The following EME1 variants were observed in gnomAD, a reference collection of about 807,000 sequenced individuals.
EME1 encodes the protein essential meiotic structure-specific endonuclease 1.
In EME1, 61 loss-of-function variants were observed where a neutral mutation model predicts 59.1. That is an observed-to-expected ratio of 1.03 (90% CI 0.84 to 1.28). The LOEUF is 1.28. Ranked by LOEUF, EME1 falls within the 50% of genes most tolerant of loss-of-function variation. EME1 has a pLI of 0.00. For synonymous variants in EME1, 230 were observed against 254.2 expected (o/e 0.90, Z 0.90); for missense variants, 635 against 682.6 (o/e 0.93, Z 0.78).
In EME1 at chr17:50,381,451, A is replaced by G. The variant is rs1913841549; in HGVS notation, c.*512A>G. On this transcript the variant is annotated 3_prime_UTR_variant, in exon 9 of 9. Coordinates refer to ENST00000338165, the MANE Select transcript of EME1 (RefSeq NM_152463.4). ...TATTTAGTTTCAATAAAGCATTTGT[A>G]CCAATGGCTCTGGAGCTTGGAGGAA... 1 of 159,160 alleles carries G rather than the reference A, an allele frequency of 6.3e-6. No individual in the cohort carries two copies. Among genetic ancestry groups the G allele is most frequent in the Admixed American group, 5.9e-5 (1 of 16,852 alleles). The allele number at this position is 159,160 out of a possible 1,614,324, so 9.9% of individuals were successfully genotyped here. A position where few individuals can be genotyped will look rare whatever the true frequency, so the allele number is the denominator to read the frequency against.
At position 50,378,864 on chromosome 17, in the gene EME1, C is replaced by T. The variant is rs1187723696; in HGVS notation, c.1081C>T (p.Leu361=). ...TAKTAGKALS[L]VIVDQEKCFS... ...AAAGACAGCAGGGAAAGCTCTGTCA[C>T]TGGTGATTGTGGATCAGGAGAAATG... is the stretch of plus-strand genomic sequence containing the variant. The change falls in exon 5 of 9, where the codon CTG becomes TTG. Residue 361 remains leucine (L), a synonymous_variant. Coordinates refer to ENST00000338165, the MANE Select transcript of EME1 (RefSeq NM_152463.4). 2 of 1,614,216 alleles carry T rather than the reference C, an allele frequency of 1.2e-6. No homozygotes were observed. The highest frequency in any genetic ancestry group is 2.2e-5 in the East Asian group (1 of 44,894).
At chr17:50,374,917 T>C (rs1598359984) in intron 1 of EME1, 1 of 281,540 alleles carries the variant, frequency 3.6e-6, no homozygotes, top group East Asian at 7.7e-5. Flanking sequence ...AGGTGTTAAA[T>C]CTTGTTACCA....
At chr17:50,377,161 G>A (rs1452836896) in intron 3 of EME1, among the ~76,000 whole-genome samples, 1 of 151,970 alleles carries the variant, frequency 6.6e-6, no homozygotes, top group Non-Finnish European at 1.5e-5. Context: ...CAGTAACACA[G>A]GACAGTTCCC....
In EME1 at chr17:50,376,130, T is replaced by C. The variant is rs1567815556; in HGVS notation, c.840T>C (p.Cys280=). The C allele has an allele frequency of 6.2e-7, 1 of 1,614,108 alleles. No homozygotes were observed. Among genetic ancestry groups the C allele is most frequent in the South Asian group, 1.1e-5 (1 of 91,080 alleles). Residue 280 remains cysteine, a synonymous_variant, in exon 3 of 9, where the codon TGT becomes TGC. Transcript: ENST00000338165. Reference sequence around the variant, plus strand: ...CACTGCAGACCATGGAGTGCCGCTGTGTGATTGAGGCGCAGGCTGTGCCTT... The same window carrying C: ...CACTGCAGACCATGGAGTGCCGCTGCGTGATTGAGGCGCAGGCTGTGCCTT... ...LGALQTMECR[C]VIEAQAVPCS... is the part of the protein sequence containing the mutation.
In EME1 at chr17:50,373,240, C is replaced by T; in HGVS notation, c.-62C>T. On this transcript the variant is annotated 5_prime_UTR_variant, in exon 1 of 9. Transcript: ENST00000338165. ...CTATCAGGAGATCTACTTCCGGGCC[C>T]TGCGTGGCAGTTGAAAGAGTGGCGG... 4 of 1,582,210 alleles carry T rather than the reference C, an allele frequency of 2.5e-6. No homozygotes were observed. Among genetic ancestry groups the T allele is most frequent in the Non-Finnish European group, 3.5e-6 (4 of 1,157,320 alleles).
At position 50,375,306 on chromosome 17, in the gene EME1, C is replaced by A; in HGVS notation, c.98C>A (p.Thr33Lys). ...TTTCTGAAGAAGGAACCATCTTCAACAAAGAGGAGACAGCCTGAAAGGGAA... is the reference window on the plus strand; with the variant it reads ...TTTCTGAAGAAGGAACCATCTTCAAAAAAGAGGAGACAGCCTGAAAGGGAA... ...FAFLKKEPSS[T>K]KRRQPEREEK... Residue 33 changes from threonine (T) to lysine (K), a missense_variant, in exon 2 of 9, where the codon ACA becomes AAA. Thr to Lys is a moderately conservative substitution (Grantham distance 78). Transcript: ENST00000338165. 6.2e-7 allele frequency: 1 copy of A among 1,614,158 alleles called. No individual in the cohort carries two copies. The highest frequency in any genetic ancestry group is 8.5e-7 in the Non-Finnish European group (1 of 1,180,034).
At chr17:50,379,307 C>A in intron 6 of EME1, 83 bp downstream of exon 6, 1 of 1,598,376 alleles carries the variant, frequency 6.3e-7, no homozygotes, top group Non-Finnish European at 8.5e-7. Flanking sequence ...AAAATGCCTG[C>A]TGCGTACTGT....
rs1053990714 is a variant in EME1 at position 50,375,304 on chromosome 17, A to C, written c.96A>C (p.Ser32=). 3.7e-6 allele frequency: 6 copies of C among 1,614,116 alleles called. No individual in the cohort carries two copies. Among genetic ancestry groups the C allele is most frequent in the Non-Finnish European group, 4.2e-6 (5 of 1,180,058 alleles). Reference sequence around the variant, plus strand: ...CCTTTCTGAAGAAGGAACCATCTTCAACAAAGAGGAGACAGCCTGAAAGGG... The same window carrying C: ...CCTTTCTGAAGAAGGAACCATCTTCCACAAAGAGGAGACAGCCTGAAAGGG... ...TFAFLKKEPS[S]TKRRQPEREE... Residue 32 remains serine (S), a synonymous_variant, in exon 2 of 9, where the codon TCA becomes TCC. Coordinates refer to ENST00000338165, the MANE Select transcript of EME1 (RefSeq NM_152463.4).
rs1485068624 is a variant in EME1, at chr17:50,375,444, C to G, written c.236C>G (p.Pro79Arg). Residue 79 changes from proline (P) to arginine (R), a missense_variant, in exon 2 of 9, where the codon CCA becomes CGA. Coordinates refer to ENST00000338165, the MANE Select transcript of EME1 (RefSeq NM_152463.4). ...EIAETVTQTQ[P>R]VRLLSSESED... Reference sequence around the variant, plus strand: ...GCTGAAACTGTCACACAAACACAGCCAGTCAGGTTGCTAAGCAGTGAAAGT... The same window carrying G: ...GCTGAAACTGTCACACAAACACAGCGAGTCAGGTTGCTAAGCAGTGAAAGT... The G allele has an allele frequency of 1.2e-6, 2 of 1,614,178 alleles. No individual in the cohort carries two copies. The highest frequency in any genetic ancestry group is 3.3e-5 in the Admixed American group (2 of 60,022).
Position 50,373,276 on chromosome 17 carries a change from A to G in EME1, c.-26A>G, listed in dbSNP as rs1598358918. On this transcript the variant is annotated splice_region_variant and 5_prime_UTR_variant, in exon 1 of 9. Transcript: ENST00000338165. ...TTGAAAGAGTGGCGGGAGAAGTTGCAGGTGAGCGTCCCCGGTCGCAGGCCT... is the reference window on the plus strand; with the variant it reads ...TTGAAAGAGTGGCGGGAGAAGTTGCGGGTGAGCGTCCCCGGTCGCAGGCCT... 1 of 1,512,976 alleles carries G rather than the reference A, an allele frequency of 6.6e-7. No homozygotes were observed. The highest frequency in any genetic ancestry group is 1.4e-5 in the African/African-American group (1 of 72,290). 93.7% of individuals were successfully genotyped at this position (1,512,976 alleles called of 1,614,324 possible).
At chr17:50,375,148 T>C in intron 1 of EME1, 37 bp from the exon 2 acceptor site, 1 of 1,508,978 alleles carries the variant, frequency 6.6e-7, no homozygotes. Flanking sequence ...CTGAATTGAA[T>C]GCTCCAGTCT....
At chr17:50,380,109 A>G (rs1913718583) in intron 7 of EME1, 2 of 552,484 alleles carry the variant, frequency 3.6e-6, no homozygotes, top group Non-Finnish European at 3.2e-6. Flanking sequence ...AATGGACTAG[A>G]TGTAGTTTTT....
In EME1 at chr17:50,381,463, G is replaced by A. The variant is rs1245851861; in HGVS notation, c.*524G>A. On this transcript the variant is annotated 3_prime_UTR_variant, in exon 9 of 9. Coordinates refer to ENST00000338165, the MANE Select transcript of EME1 (RefSeq NM_152463.4). ...ATAAAGCATTTGTACCAATGGCTCT[G>A]GAGCTTGGAGGAAGACTAAAGGAAT... 6.4e-6 allele frequency: 1 copy of A among 157,324 alleles called. No individual in the cohort carries two copies. The highest frequency in any genetic ancestry group is 2.4e-5 in the African/African-American group (1 of 41,494). The allele number at this position is 157,324 out of a possible 1,614,324, so 9.7% of individuals were successfully genotyped here.
intron 3 of EME1, 150 bp from the exon 4 acceptor site, chr17:50,378,444 AC>A (rs1282378282): frequency 1.3e-6 from 1 of 742,716 alleles, no homozygotes; most frequent in Non-Finnish European, 2.3e-6. Context: ...GGACAGCGAC[AC>A]TGTTTCTTGC....
Position 50,380,492 on chromosome 17 carries a change from C to A in EME1, c.1527C>A (p.Leu509=), listed in dbSNP as rs959368853. Reference sequence around the variant, plus strand: ...TGAATGCCTATCCCTCCCCACAGCTCCTGGTACAGGTATGCTGCTCCAGGG... The same window carrying A: ...TGAATGCCTATCCCTCCCCACAGCTACTGGTACAGGTATGCTGCTCCAGGG... ...AVVNAYPSPQ[L]LVQAYQQCFS... is the part of the protein sequence containing the mutation. Residue 509 remains leucine (L), a synonymous_variant, in exon 8 of 9, where the codon CTC becomes CTA. Transcript: ENST00000338165. 1 of 1,613,730 alleles carries A rather than the reference C, an allele frequency of 6.2e-7. No homozygotes were observed.
chr17:50,376,202 T>C lies in EME1; in HGVS notation c.903+9T>C. On this transcript the variant is annotated intron_variant, in intron 3 of 8. Coordinates refer to ENST00000338165, the MANE Select transcript of EME1 (RefSeq NM_152463.4). ...GGGCTGGGCCGTCTGAGGTAGGAGT[T>C]TTCTGGCTGACATTTCCTCCCTCTC... 6.2e-7 allele frequency: 1 copy of C among 1,610,198 alleles called. No individual in the cohort carries two copies. The highest frequency in any genetic ancestry group is 8.5e-7 in the Non-Finnish European group (1 of 1,177,876).
chr17:50,379,906 G>A, intron 7 of EME1: 1 of 319,304 alleles, frequency 3.1e-6, no homozygotes, highest in Non-Finnish European at 5.9e-6. Context: ...CTCAGTTCAA[G>A]AAGTGTTCAC....
intron 3 of EME1, among the ~76,000 whole-genome samples, chr17:50,378,329 G>A (rs552650790): frequency 6.6e-6 from 1 of 152,114 alleles, no homozygotes; most frequent in Non-Finnish European, 1.5e-5. Context: ...CTCCCAAAGT[G>A]CTGGGATTAC....
chr17:50,375,451 GT>G lies in EME1; in HGVS notation c.245del (p.Leu82CysfsTer2), dbSNP rs1913406425. ...CTGTCACACAAACACAGCCAGTCAGGTTGCTAAGCAGTGAAAGTGAAGATGA... is the reference window on the plus strand; with the variant it reads ...CTGTCACACAAACACAGCCAGTCAGGTGCTAAGCAGTGAAAGTGAAGATGA... ...ETVTQTQPVR[L>X]LSSESEDEEE... On this transcript the variant is annotated frameshift_variant, in exon 2 of 9. Transcript: ENST00000338165. LOFTEE classifies it high-confidence loss of function. The G allele has an allele frequency of 6.2e-7, 1 of 1,614,032 alleles. No homozygotes were observed. Among genetic ancestry groups the G allele is most frequent in the African/African-American group, 1.3e-5 (1 of 74,912 alleles).
Sources: allele counts gnomAD v4.1 joint callset (sites outside exome capture counted in the v4.1 genomes callset), GRCh38; gene constraint gnomAD v4.1.1; transcripts MANE v1.5; gene names NCBI Gene and HGNC (gene_info 2026-07-23, HGNC 2026-07-21).